The following IL7 variants were observed in gnomAD, a reference collection of about 807,000 sequenced individuals.
The protein encoded by IL7 is interleukin-7.
IL7 carries 3 observed loss-of-function variants against 21.6 expected under a neutral mutation model. That is an observed-to-expected ratio of 0.14 (90% CI 0.06 to 0.36). IL7 has a LOEUF of 0.36. IL7 is among the 10% of genes least tolerant of loss of function. IL7 has a pLI of 1.00. For missense variants in IL7, 175 were observed against 200.2 expected (o/e 0.87, Z 0.76); for synonymous variants, 62 against 68.1 (o/e 0.91, Z 0.44).
At chr8:78,761,069 C>A (rs151161227) in intron 2 of IL7, 1 of 1,610,532 alleles carries the variant, frequency 6.2e-7, no homozygotes, top group Non-Finnish European at 8.5e-7. Context: ...ATTTGTGTCA[C>A]TATTTATACC....
rs1441322642 is a variant in IL7 at position 78,689,487 on chromosome 8, GATAT to G, written n.215-3544_215-3541del. 6 of 953,878 alleles carry G rather than the reference GATAT, an allele frequency of 6.3e-6. No homozygotes were observed. The Admixed American group carries it at 2.2e-4, about 34-fold the overall frequency. The allele number at this position is 953,878 out of a possible 1,614,324, so 59.1% of individuals were successfully genotyped here. A position where few individuals can be genotyped will look rare whatever the true frequency, so the allele number is the denominator to read the frequency against. On this transcript the variant is annotated intron_variant and non_coding_transcript_variant, in intron 3 of 4. Coordinates refer to the IL7 transcript ENST00000523959. ...TATATTTTTCTCACCTGCTTTTATA[GATAT>G]ATAGTTTTATATATCTATAAAAGTT...
chr8:78,796,198 T>C (rs947820189), intron 2 of IL7, among the ~76,000 whole-genome samples: 1 of 152,076 alleles, frequency 6.6e-6, no homozygotes, highest in Admixed American at 6.6e-5. Flanking sequence ...AACAGACTTC[T>C]AGAACAAACA....
intron 2 of IL7, among the ~76,000 whole-genome samples, chr8:78,766,123 G>C (rs1192029738): frequency 6.6e-6 from 1 of 152,064 alleles, no homozygotes; most frequent in Non-Finnish European, 1.5e-5. Context: ...TTCTGGAAAA[G>C]GTAAAACTAG....
In IL7 at chr8:78,677,869, G is replaced by A. The variant is rs143390299; in HGVS notation, n.274-1765C>T. Among the ~76,000 whole-genome samples the A allele has an allele frequency of 3.6e-4, 55 of 152,318 alleles. No individual in the cohort carries two copies. In the East Asian group the frequency reaches 0.01, roughly 28 times the overall value. ...TGAAAGAACGGGTACTCCATAGACA[G>A]AGCAGCCCTGAAGGCTGCTGGTTGC... On this transcript the variant is annotated intron_variant and non_coding_transcript_variant, in intron 4 of 4. Transcript: ENST00000523959.
chr8:78,679,948 C>T (rs1809714295), intron 4 of IL7, among the ~76,000 whole-genome samples: 3 of 152,074 alleles, frequency 2.0e-5, no homozygotes, highest in Admixed American at 2.0e-4. Flanking sequence ...GATAAAATTG[C>T]CAAATCTTTG....
chr8:78,760,623 G>C, intron 2 of IL7: 2 of 1,572,110 alleles, frequency 1.3e-6, no homozygotes, highest in Non-Finnish European at 1.7e-6. Context: ...AAGCATTTAA[G>C]AGCTTTGAGG....
intron 4 of IL7, among the ~76,000 whole-genome samples, chr8:78,685,167 A>G (rs1206319799): frequency 6.6e-6 from 1 of 152,182 alleles, no homozygotes; most frequent in African/African-American, 2.4e-5. Flanking sequence ...TCAGAAAGGA[A>G]TTTAGTGATT....
intron 2 of IL7, among the ~76,000 whole-genome samples, chr8:78,786,375 A>T (rs920815239): frequency 2.6e-5 from 4 of 152,230 alleles, no homozygotes; most frequent in Non-Finnish European, 5.9e-5. Context: ...TATTAAAAAT[A>T]GTACACTTGT....
At chr8:78,700,876 G>A (rs1252771993) in intron 3 of IL7, among the ~76,000 whole-genome samples, 1 of 152,070 alleles carries the variant, frequency 6.6e-6, no homozygotes, top group East Asian at 1.9e-4. Flanking sequence ...CCAGTACCAT[G>A]CTGTTTTGAT....
chr8:78,702,280 G>A (rs78531484), intron 3 of IL7, among the ~76,000 whole-genome samples: 1 of 152,050 alleles, frequency 6.6e-6, no homozygotes, highest in Non-Finnish European at 1.5e-5. Context: ...AATATTCTGT[G>A]ATGACTTGTA....
At chr8:78,782,232 C>G (rs942478897) in intron 2 of IL7, among the ~76,000 whole-genome samples, 2 of 152,164 alleles carry the variant, frequency 1.3e-5, no homozygotes, top group African/African-American at 4.8e-5. Context: ...TCCATCTCAG[C>G]CTCAGCCCAG....
chr8:78,790,653 G>A (rs1813657979), intron 2 of IL7, among the ~76,000 whole-genome samples: 1 of 152,032 alleles, frequency 6.6e-6, no homozygotes, highest in Admixed American at 6.6e-5. Flanking sequence ...TATACAAGGA[G>A]TGGAGAGTTA....
At chr8:78,683,220 GCCCC>G (rs1396780206) in intron 4 of IL7, among the ~76,000 whole-genome samples, 3 of 152,244 alleles carry the variant, frequency 2.0e-5, no homozygotes, top group Admixed American at 2.0e-4. Context: ...CACTAGGCAT[GCCCC>G]AGTGGGGCCT....
chr8:78,694,752 T>G (rs1478420362), intron 3 of IL7, among the ~76,000 whole-genome samples: 1 of 152,196 alleles, frequency 6.6e-6, no homozygotes, highest in Non-Finnish European at 1.5e-5. Flanking sequence ...TAGTCATTAG[T>G]CTTTGTATAA....
At chr8:78,698,362 T>C (rs1810497986) in intron 3 of IL7, 2 of 1,446,968 alleles carry the variant, frequency 1.4e-6, no homozygotes, top group Middle Eastern at 1.8e-4. Flanking sequence ...ATGCTCTGTT[T>C]TATGTAACCT....
intron 2 of IL7, among the ~76,000 whole-genome samples, chr8:78,742,777 C>A (rs554915194): frequency 1.3e-5 from 2 of 152,068 alleles, no homozygotes. Context: ...AGGTTTGTTA[C>A]ATAGGTAAAC....
chr8:78,776,603 T>C (rs1483253840), intron 2 of IL7, among the ~76,000 whole-genome samples: 2 of 152,096 alleles, frequency 1.3e-5, no homozygotes, highest in Non-Finnish European at 2.9e-5. Context: ...GGATGTGAGA[T>C]AGGAAATTTA....
At chr8:78,746,017 T>A (rs1563417774) in intron 2 of IL7, among the ~76,000 whole-genome samples, 1 of 152,222 alleles carries the variant, frequency 6.6e-6, no homozygotes, top group African/African-American at 2.4e-5. Context: ...CCCACCAAGA[T>A]AATCCAAAAT....
At chr8:78,798,235 G>A (rs758506721) in intron 1 of IL7, 27 bp from the exon 2 acceptor site, 5 of 1,557,322 alleles carry the variant, frequency 3.2e-6, no homozygotes, top group Non-Finnish European at 4.4e-6. Context: ...ATAAGAATGA[G>A]CTAAATGTTA....
Sources: gnomAD v4.1 joint callset for allele counts (sites outside exome capture counted in the v4.1 genomes callset) on GRCh38, gnomAD v4.1.1 for gene constraint, MANE v1.5 for transcripts, NCBI Gene and HGNC (gene_info 2026-07-23, HGNC 2026-07-21) for gene names.